VSTM1: variants seen among roughly 807,000 people sequenced by gnomAD.
VSTM1 encodes V-set and transmembrane domain-containing protein 1.
VSTM1 carries 27 observed loss-of-function variants against 33.1 expected under a neutral mutation model. The ratio of observed to expected loss-of-function variants is 0.82; its 90% CI spans 0.60 to 1.12. The LOEUF (loss-of-function observed/expected upper bound fraction) is 1.12, where lower values mean the gene tolerates loss of function less well. Ranked by LOEUF, VSTM1 falls within the 50% of genes most tolerant of loss-of-function variation. The probability of loss-of-function intolerance (pLI) is 0.00; values close to 1 mark genes in which losing one functional copy is unlikely to be tolerated. For missense variants in VSTM1, 304 were observed against 288.9 expected (o/e 1.05, Z -0.38); for synonymous variants, 115 against 110.3 (o/e 1.04, Z -0.27).
chr19:54,047,847 G>A (rs2070669049), intron 4 of VSTM1, among the ~76,000 whole-genome samples: 1 of 152,182 alleles, frequency 6.6e-6, no homozygotes, highest in Non-Finnish European at 1.5e-5. Flanking sequence ...GATGTCCACA[G>A]ATCCTGGCCA....
At position 54,041,747 on chromosome 19, in the gene VSTM1, C is replaced by T. The variant is rs200178324; in HGVS notation, c.591+32G>A. 3.3e-5 allele frequency: 53 copies of T among 1,609,456 alleles called. No homozygotes were observed. The African/African-American group carries it at 5.8e-4, about 17-fold the overall frequency. ...CGACCAGCCCATTGTGGTGAGGGAG[C>T]TCTTGTGGGACTCCTAAGCGGGAGG... On this transcript the variant is annotated intron_variant, in intron 8 of 8. Transcript: ENST00000338372.
chr19:54,049,796 G>T (rs544702484), intron 4 of VSTM1, among the ~76,000 whole-genome samples: 3 of 152,144 alleles, frequency 2.0e-5, no homozygotes, highest in African/African-American at 7.2e-5. Context: ...TTTGAAAACC[G>T]ATTATACCAG....
At chr19:54,041,503 A>T (rs1455862939) in intron 8 of VSTM1, among the ~76,000 whole-genome samples, 1 of 152,010 alleles carries the variant, frequency 6.6e-6, no homozygotes, top group Non-Finnish European at 1.5e-5. Context: ...GGGTTTCACC[A>T]TGTTAACCAG....
chr19:54,047,908 G>A (rs564839574), intron 4 of VSTM1, among the ~76,000 whole-genome samples: 6 of 152,194 alleles, frequency 3.9e-5, no homozygotes, highest in African/African-American at 9.6e-5. Flanking sequence ...AACTTGCTAC[G>A]CTACTAAAGT....
chr19:54,044,670 G>A (rs564977442), intron 4 of VSTM1, among the ~76,000 whole-genome samples: 3 of 152,248 alleles, frequency 2.0e-5, no homozygotes, highest in South Asian at 2.1e-4. Flanking sequence ...ACATCATAGC[G>A]TTTTAAAGTC....
chr19:54,049,992 T>TA, intron 4 of VSTM1, among the ~76,000 whole-genome samples: 1 of 65,774 alleles, frequency 1.5e-5, no homozygotes, highest in Non-Finnish European at 3.0e-5. Flanking sequence ...AACTTTTTAA[T>TA]TTTTTTTTTT....
At chr19:54,051,081 C>T (rs1900204924) in intron 4 of VSTM1, among the ~76,000 whole-genome samples, 1 of 151,728 alleles carries the variant, frequency 6.6e-6, no homozygotes, top group Admixed American at 6.6e-5. Context: ...ATCACAAGGT[C>T]AGGAGTTCGA....
At chr19:54,045,783 A>C (rs2070550812) in intron 4 of VSTM1, among the ~76,000 whole-genome samples, 1 of 151,970 alleles carries the variant, frequency 6.6e-6, no homozygotes, top group East Asian at 1.9e-4. Flanking sequence ...GTGTATCTGT[A>C]TATCTATCTA....
At chr19:54,044,992 C>A (rs776262522) in intron 4 of VSTM1, among the ~76,000 whole-genome samples, 5 of 152,156 alleles carry the variant, frequency 3.3e-5, no homozygotes, top group Non-Finnish European at 5.9e-5. Context: ...TTCACCAAGA[C>A]CCCCGCTATC....
Position 54,063,878 on chromosome 19 carries a change from C to T in VSTM1, c.-101G>A. On this transcript the variant is annotated 5_prime_UTR_variant, in exon 1 of 9. Transcript: ENST00000338372. ...CAGCTCTCCGGCTGCCCGGTTCGTC[C>T]CCAGGATGTGCAGATAGAGGAGGTT... The T allele has an allele frequency of 1.5e-6, 2 of 1,339,874 alleles. No individual in the cohort carries two copies. The highest frequency in any genetic ancestry group is 2.1e-6 in the Non-Finnish European group (2 of 972,164). 83.0% of individuals were successfully genotyped at this position (1,339,874 alleles called of 1,614,324 possible). A position where few individuals can be genotyped will look rare whatever the true frequency, so the allele number is the denominator to read the frequency against.
chr19:54,058,819 G>T (rs2146136458), intron 1 of VSTM1, 87 bp from the exon 2 acceptor site: 1 of 902,570 alleles, frequency 1.1e-6, no homozygotes, highest in Non-Finnish European at 1.7e-6. Flanking sequence ...GCTCTTTATA[G>T]GTCTGAGATA....
chr19:54,062,453 T>C (rs1209943249), intron 1 of VSTM1, among the ~76,000 whole-genome samples: 1 of 152,158 alleles, frequency 6.6e-6, no homozygotes, highest in Non-Finnish European at 1.5e-5. Context: ...CCGGGTGCAG[T>C]GGCTCACACC....
chr19:54,046,778 C>G (rs1258411720), intron 4 of VSTM1, among the ~76,000 whole-genome samples: 1 of 152,174 alleles, frequency 6.6e-6, no homozygotes, highest in Non-Finnish European at 1.5e-5. Context: ...AGCCTCTGGT[C>G]TTCGACCTTC....
chr19:54,043,142 A>G (rs2070404306), intron 4 of VSTM1, among the ~76,000 whole-genome samples: 1 of 151,874 alleles, frequency 6.6e-6, no homozygotes, highest in South Asian at 2.1e-4. Flanking sequence ...GGACATTTCG[A>G]CCAATAGACT....
chr19:54,041,779 C>A lies in VSTM1; in HGVS notation c.591G>T (p.Ser197=). 1.2e-6 allele frequency: 2 copies of A among 1,613,140 alleles called. No individual in the cohort carries two copies. Among genetic ancestry groups the A allele is most frequent in the Non-Finnish European group, 1.7e-6 (2 of 1,179,780 alleles). The change falls in exon 8 of 9, where the codon TCG becomes TCT. Residue 197 remains serine (S), a splice_region_variant and synonymous_variant. Transcript: ENST00000338372. ...GGGACTCCTAAGCGGGAGGACTCAC[C>A]GAGAGAGATACCCTTTCCATATTGG... is the stretch of plus-strand genomic sequence containing the variant. ...DLSNMERVSL[S]TADPQGVTYA...
chr19:54,041,622 G>T (rs1257086064), intron 8 of VSTM1, among the ~76,000 whole-genome samples, 157 bp downstream of exon 8: 1 of 152,044 alleles, frequency 6.6e-6, no homozygotes, highest in African/African-American at 2.4e-5. Flanking sequence ...CTTTTAAATG[G>T]AGATTTTGGT....
chr19:54,043,664 G>A (rs1398112315), intron 4 of VSTM1, among the ~76,000 whole-genome samples: 2 of 151,900 alleles, frequency 1.3e-5, no homozygotes, highest in African/African-American at 2.4e-5. Flanking sequence ...TGCCTGCCTC[G>A]GCCTCCCAAA....
chr19:54,046,325 C>T (rs35154518), intron 4 of VSTM1, among the ~76,000 whole-genome samples: 8,945 of 152,158 alleles, frequency 0.059, 325 homozygotes, highest in East Asian at 0.11. Flanking sequence ...TACTGGGTCT[C>T]CTACCTCCTG....
rs771554754 is a variant in VSTM1 at position 54,058,496 on chromosome 19, A to G, written c.165T>C (p.Asn55=). 7 of 1,613,992 alleles carry G rather than the reference A, an allele frequency of 4.3e-6. No homozygotes were observed. In the African/African-American group the frequency reaches 6.7e-5, roughly 15 times the overall value. Residue 55 remains asparagine (N), a synonymous_variant, in exon 3 of 9, where the codon AAT becomes AAC. Transcript: ENST00000338372. ...TCACCTTGCGCAGCACAAATGTCAC[A>G]TTCTGGGAATGAGCCTGACACTTCA... ...VTLKCQAHSQ[N]VTFVLRKVND...
Sources: allele counts gnomAD v4.1 joint callset (sites outside exome capture counted in the v4.1 genomes callset), GRCh38; gene constraint gnomAD v4.1.1; transcripts MANE v1.5; gene names NCBI Gene and HGNC (gene_info 2026-07-23, HGNC 2026-07-21).